GAS7: variants seen among roughly 807,000 people sequenced by gnomAD.
GAS7 encodes growth arrest-specific protein 7.
GAS7 carries 28 observed loss-of-function variants against 71.1 expected under a neutral mutation model. The ratio of observed to expected loss-of-function variants is 0.39; its 90% CI spans 0.29 to 0.54. The LOEUF (loss-of-function observed/expected upper bound fraction) is 0.54. Among genes scored for constraint, GAS7 ranks in the 20% least tolerant of loss-of-function variants. GAS7 has a pLI of 0.62. For missense variants in GAS7, 436 were observed against 627.8 expected, an observed-to-expected ratio of 0.69 and a Z score of 3.27; for synonymous variants, 258 against 245.8, an observed-to-expected ratio of 1.05 and a Z score of -0.46.
intron 2 of GAS7, among the ~76,000 whole-genome samples, chr17:10,010,153 T>TC (rs1258301607): frequency 1.3e-5 from 2 of 151,860 alleles, no homozygotes; most frequent in African/African-American, 4.8e-5. Context: ...TTCTTTTTTT[T>TC]TTTCTTTCTT....
chr17:9,935,321 C>T (rs535562604), intron 8 of GAS7, among the ~76,000 whole-genome samples: 5 of 152,324 alleles, frequency 3.3e-5, no homozygotes, highest in Non-Finnish European at 7.3e-5. Flanking sequence ...AGAGGCTTCA[C>T]GTAGAAGAAA....
In GAS7 at chr17:10,107,033, C is replaced by T. The variant is rs548309663; in HGVS notation, c.184-87136G>A. Among the ~76,000 whole-genome samples, 9 of 152,220 alleles carry T rather than the reference C, an allele frequency of 5.9e-5. No homozygotes were observed. The South Asian group carries it at 1.2e-3, about 21-fold the overall frequency. On this transcript the variant is annotated intron_variant, in intron 1 of 13. Transcript: ENST00000432992. ...TTCCTTACACCAAGGTGGAAACAGG[C>T]GCCAAGGAAGGAGTTCAAGAGGATG... is the stretch of plus-strand genomic sequence containing the variant.
chr17:10,152,429 T>C (rs936834736), intron 1 of GAS7, among the ~76,000 whole-genome samples: 9 of 152,160 alleles, frequency 5.9e-5, no homozygotes, highest in African/African-American at 1.9e-4. Context: ...AAAGCATCAC[T>C]TCCCAGTGAA....
At chr17:9,934,116 A>G in intron 9 of GAS7, 50 bp downstream of exon 9, 1 of 1,158,322 alleles carries the variant, frequency 8.6e-7, no homozygotes, top group East Asian at 2.3e-5. Flanking sequence ...ACTATTTTTT[A>G]GTACCCCAGT....
chr17:10,025,662 T>C (rs12601976), intron 1 of GAS7, among the ~76,000 whole-genome samples: 51,274 of 151,370 alleles, frequency 0.34, 9,086 homozygotes, highest in African/African-American at 0.45. Context: ...AGCAGTGTTT[T>C]TCAAAGTATG....
At chr17:9,985,792 C>G (rs1364633907) in intron 2 of GAS7, among the ~76,000 whole-genome samples, 2 of 152,228 alleles carry the variant, frequency 1.3e-5, no homozygotes, top group African/African-American at 4.8e-5. Flanking sequence ...TCAAATCAAA[C>G]AATTCTGAAG....
At chr17:10,088,855 G>C (rs1483823919) in intron 1 of GAS7, among the ~76,000 whole-genome samples, 6 of 152,122 alleles carry the variant, frequency 3.9e-5, no homozygotes, top group African/African-American at 1.4e-4. Flanking sequence ...AGACAAGCAG[G>C]ATTTGAAAAG....
intron 9 of GAS7, among the ~76,000 whole-genome samples, chr17:9,927,296 C>CACAT (rs1160930395): frequency 3.6e-5 from 5 of 139,654 alleles, no homozygotes; most frequent in African/African-American, 1.5e-4. Context: ...TACATACACA[C>CACAT]ACACACACAC....
intron 5 of GAS7, among the ~76,000 whole-genome samples, chr17:9,952,904 T>C (rs2069078035): frequency 6.6e-6 from 1 of 151,950 alleles, no homozygotes. Flanking sequence ...GGAGGGAGCA[T>C]AAATTAGTTC....
intron 1 of GAS7, among the ~76,000 whole-genome samples, chr17:10,170,587 A>T (rs2074328867): frequency 6.6e-6 from 1 of 152,184 alleles, no homozygotes; most frequent in South Asian, 2.1e-4. Flanking sequence ...ATTTAAAATG[A>T]CACATTTTCT....
chr17:10,112,840 GAAAGA>G (rs907474360), intron 1 of GAS7, among the ~76,000 whole-genome samples: 3 of 149,344 alleles, frequency 2.0e-5, no homozygotes, highest in Non-Finnish European at 3.0e-5. Flanking sequence ...AGGAAGGAAA[GAAAGA>G]AAAGAAAAGA....
At chr17:10,170,689 C>A (rs1157318315) in intron 1 of GAS7, among the ~76,000 whole-genome samples, 1 of 152,220 alleles carries the variant, frequency 6.6e-6, no homozygotes, top group Admixed American at 6.5e-5. Flanking sequence ...TGTGGTTTTA[C>A]TACTACTACA....
At chr17:9,923,189 G>A (rs1342398969) in intron 11 of GAS7, among the ~76,000 whole-genome samples, 8 of 151,648 alleles carry the variant, frequency 5.3e-5, no homozygotes, top group Admixed American at 3.9e-4. Context: ...TTACAGGCGT[G>A]AGCCACCACG....
intron 9 of GAS7, among the ~76,000 whole-genome samples, chr17:9,933,676 T>A (rs1444822186): frequency 6.6e-6 from 1 of 152,006 alleles, no homozygotes; most frequent in Non-Finnish European, 1.5e-5. Context: ...AGACCCCATC[T>A]CTACAAATAA....
chr17:10,167,789 T>C (rs372383054), intron 1 of GAS7, among the ~76,000 whole-genome samples: 149 of 152,154 alleles, frequency 9.8e-4, no homozygotes, highest in African/African-American at 3.4e-3. Context: ...GCCGACACCT[T>C]CTGGGCTCAG....
rs115148501 is a variant in GAS7 at position 10,157,057 on chromosome 17, G to A, written c.183+41151C>T. On this transcript the variant is annotated intron_variant, in intron 1 of 13. Transcript: ENST00000432992. ...AATGACATCTGAGAAGAAACAGAAA[G>A]CCAAATGAGGATGTGGGTGGCCCTG... is the stretch of plus-strand genomic sequence containing the variant. Among the ~76,000 whole-genome samples the A allele has an allele frequency of 8.1e-3, 1,235 of 152,230 alleles. 19 individuals are homozygous for A. The highest frequency in any genetic ancestry group is 0.028 in the African/African-American group (1,170 of 41,516).
intron 1 of GAS7, among the ~76,000 whole-genome samples, chr17:10,106,348 C>T (rs1281130640): frequency 6.6e-6 from 1 of 152,198 alleles, no homozygotes. Flanking sequence ...GTCTGCAGCC[C>T]AGCTTTGGCT....
At chr17:9,994,986 T>A (rs1052067501) in intron 2 of GAS7, among the ~76,000 whole-genome samples, 7 of 152,232 alleles carry the variant, frequency 4.6e-5, no homozygotes, top group Non-Finnish European at 8.8e-5. Context: ...ATTCTCACCG[T>A]GACGTGGCAA....
chr17:10,143,962 C>A (rs1198046245), intron 1 of GAS7, among the ~76,000 whole-genome samples: 1 of 152,194 alleles, frequency 6.6e-6, no homozygotes, highest in Non-Finnish European at 1.5e-5. Flanking sequence ...TAGGCCCATC[C>A]CCACCCATTC....
Sources: gnomAD v4.1 joint callset for allele counts (sites outside exome capture counted in the v4.1 genomes callset) on GRCh38, gnomAD v4.1.1 for gene constraint, MANE v1.5 for transcripts, NCBI Gene and HGNC (gene_info 2026-07-23, HGNC 2026-07-21) for gene names.